Variants in ASTN2 observed in about 807,000 individuals in gnomAD.
The protein encoded by ASTN2 is astrotactin-2.
Under a neutral mutation model 139.8 loss-of-function variants are expected in ASTN2, and 54 were observed. The ratio of observed to expected loss-of-function variants is 0.39; its 90% CI spans 0.31 to 0.48. The LOEUF (loss-of-function observed/expected upper bound fraction) is 0.48. ASTN2 is among the 20% of genes least tolerant of loss of function. The pLI is 0.95. For synonymous variants in ASTN2, 756 were observed against 719.5 expected (o/e 1.05, Z -0.81); for missense variants, 1,565 against 1,725.1 (o/e 0.91, Z 1.64).
At chr9:116,495,610 G>C (rs1337010395) in intron 19 of ASTN2, among the ~76,000 whole-genome samples, 3 of 152,142 alleles carry the variant, frequency 2.0e-5, no homozygotes, top group African/African-American at 7.2e-5. Flanking sequence ...TTGCAATCAG[G>C]AGTCCTCTCA....
chr9:117,290,507 G>A (rs973614622), intron 2 of ASTN2, among the ~76,000 whole-genome samples: 2 of 152,194 alleles, frequency 1.3e-5, no homozygotes, highest in Non-Finnish European at 2.9e-5. Flanking sequence ...CAACAGAGCT[G>A]AACAGCCACA....
At chr9:117,225,527 A>T (rs2133045276) in intron 2 of ASTN2, among the ~76,000 whole-genome samples, 1 of 118,674 alleles carries the variant, frequency 8.4e-6, no homozygotes. Flanking sequence ...AGCCTGGCCA[A>T]GCTGTATGTA....
intron 5 of ASTN2, among the ~76,000 whole-genome samples, chr9:117,064,283 C>T (rs919264795): frequency 6.6e-6 from 1 of 152,106 alleles, no homozygotes; most frequent in Non-Finnish European, 1.5e-5. Context: ...CTGCTGCAGT[C>T]CAGCTTCCAG....
At chr9:116,987,601 A>G (rs1033817527) in intron 7 of ASTN2, among the ~76,000 whole-genome samples, 1 of 152,224 alleles carries the variant, frequency 6.6e-6, no homozygotes, top group Admixed American at 6.5e-5. Context: ...TCTTTTCTTC[A>G]TAAATTACCC....
intron 16 of ASTN2, among the ~76,000 whole-genome samples, chr9:116,669,332 G>A (rs1016808968): frequency 3.9e-5 from 6 of 151,984 alleles, no homozygotes; most frequent in African/African-American, 1.5e-4. Flanking sequence ...GCTCTACAGA[G>A]CGCAGGACCT....
At chr9:117,128,910 T>C (rs1446069656) in intron 4 of ASTN2, among the ~76,000 whole-genome samples, 1 of 152,130 alleles carries the variant, frequency 6.6e-6, no homozygotes, top group Non-Finnish European at 1.5e-5. Context: ...GATAAAACTA[T>C]CAGATCTCAT....
chr9:117,097,367 G>C (rs1050221330), intron 4 of ASTN2, among the ~76,000 whole-genome samples: 10 of 152,312 alleles, frequency 6.6e-5, no homozygotes, highest in African/African-American at 2.4e-4. Flanking sequence ...ATGTTTTATT[G>C]TTATCTTTGT....
At chr9:116,501,703 G>A (rs981709731) in intron 19 of ASTN2, among the ~76,000 whole-genome samples, 5 of 151,936 alleles carry the variant, frequency 3.3e-5, no homozygotes, top group Non-Finnish European at 5.9e-5. Flanking sequence ...GGACTGTTGT[G>A]GGGTGGGGGC....
chr9:117,296,146 C>T lies in ASTN2; in HGVS notation c.443-4633G>A, dbSNP rs989857826. On this transcript the variant is annotated intron_variant, in intron 1 of 22. Coordinates refer to ENST00000313400, the MANE Select transcript of ASTN2 (RefSeq NM_001365068.1). ...TACAAAAATTAGCCAGGCATGGTGG[C>T]ATACACCTGTAGTCCCAGCTACTCG... Among the ~76,000 whole-genome samples the T allele has an allele frequency of 1.3e-4, 19 of 151,884 alleles. 1 individual carries two copies. The highest frequency in any genetic ancestry group is 4.6e-4 in the African/African-American group (19 of 41,406).
intron 10 of ASTN2, among the ~76,000 whole-genome samples, chr9:116,962,333 C>A (rs1018030636): frequency 6.6e-6 from 1 of 152,222 alleles, no homozygotes; most frequent in Admixed American, 6.5e-5. Flanking sequence ...GCCAGCTTGA[C>A]TAAGCCAACA....
intron 19 of ASTN2, among the ~76,000 whole-genome samples, chr9:116,608,098 C>T (rs1306992185): frequency 6.6e-6 from 1 of 152,158 alleles, no homozygotes; most frequent in African/African-American, 2.4e-5. Context: ...GTTTTCAAGC[C>T]ACTGTTCAGG....
At chr9:116,863,466 G>T in intron 11 of ASTN2, 117 bp downstream of exon 11, 2 of 1,351,030 alleles carry the variant, frequency 1.5e-6, no homozygotes, top group Non-Finnish European at 2.0e-6. Flanking sequence ...CGCAGAGGCA[G>T]ATAAGGGTAG....
At chr9:116,779,670 A>G (rs1830168323) in intron 13 of ASTN2, among the ~76,000 whole-genome samples, 1 of 152,128 alleles carries the variant, frequency 6.6e-6, no homozygotes. Context: ...AGTCTTCTCT[A>G]GTATTGCTAA....
intron 5 of ASTN2, among the ~76,000 whole-genome samples, chr9:117,061,865 G>A (rs1018398010): frequency 6.6e-5 from 10 of 152,168 alleles, no homozygotes; most frequent in African/African-American, 2.4e-4. Context: ...AAGAAAGGAA[G>A]AGAGGAGGGA....
intron 16 of ASTN2, among the ~76,000 whole-genome samples, chr9:116,703,917 AG>A (rs1827920836): frequency 6.6e-6 from 1 of 152,174 alleles, no homozygotes; most frequent in Non-Finnish European, 1.5e-5. Context: ...TTTTACAAGC[AG>A]GGCAACAGTG....
chr9:116,841,429 AT>A (rs1306810055), intron 11 of ASTN2, among the ~76,000 whole-genome samples: 2 of 152,030 alleles, frequency 1.3e-5, no homozygotes, highest in African/African-American at 4.8e-5. Context: ...TTTTTTGTAG[AT>A]ATGGAGTCTT....
intron 19 of ASTN2, among the ~76,000 whole-genome samples, chr9:116,615,429 T>A (rs535003356): frequency 6.6e-6 from 1 of 152,068 alleles, no homozygotes; most frequent in Non-Finnish European, 1.5e-5. Flanking sequence ...TGCACACGTA[T>A]GTTTATTGTG....
rs1456145842 is a variant in ASTN2 at position 116,614,588 on chromosome 9, T to A, written c.3355+3736A>T. Among the ~76,000 whole-genome samples the A allele has an allele frequency of 2.6e-5, 4 of 152,170 alleles. No homozygotes were observed. The East Asian group carries it at 7.7e-4, about 29-fold the overall frequency. ...ATACCACACATCTATAACCATCTGATCTTTGACAAATCTGACAAAAACAAG... is the reference window on the plus strand; with the variant it reads ...ATACCACACATCTATAACCATCTGAACTTTGACAAATCTGACAAAAACAAG... On this transcript the variant is annotated intron_variant, in intron 19 of 22. Coordinates refer to ENST00000313400, the MANE Select transcript of ASTN2 (RefSeq NM_001365068.1).
At chr9:116,947,563 CAGA>C (rs1835432182) in intron 10 of ASTN2, among the ~76,000 whole-genome samples, 1 of 152,122 alleles carries the variant, frequency 6.6e-6, no homozygotes, top group East Asian at 1.9e-4. Context: ...TGAGGATATG[CAGA>C]AGGAGATTTC....
Sources: allele counts gnomAD v4.1 joint callset (sites outside exome capture counted in the v4.1 genomes callset), GRCh38; gene constraint gnomAD v4.1.1; transcripts MANE v1.5; gene names NCBI Gene and HGNC (gene_info 2026-07-23, HGNC 2026-07-21).